Variants in SLCO6A1 observed in about 807,000 individuals in gnomAD.
SLCO6A1 encodes the protein solute carrier organic anion transporter family member 6A1, also known as cancer/testis antigen 48.
In SLCO6A1, 65 loss-of-function variants were observed where a neutral mutation model predicts 72.7. The observed-to-expected ratio is 0.89, with a 90% confidence interval of 0.73 to 1.10. The LOEUF is 1.10. SLCO6A1 is among the 50% of genes least tolerant of loss of function. The probability of loss-of-function intolerance (pLI) is 0.00; values close to 1 mark genes in which losing one functional copy is unlikely to be tolerated. For synonymous variants in SLCO6A1, 314 were observed against 298.2 expected, an observed-to-expected ratio of 1.05 and a Z score of -0.55; for missense variants, 874 against 872.6, an observed-to-expected ratio of 1.00 and a Z score of -0.02.
chr5:102,374,795 T>C (rs1462493329), intron 12 of SLCO6A1, among the ~76,000 whole-genome samples: 1 of 152,138 alleles, frequency 6.6e-6, no homozygotes, highest in East Asian at 1.9e-4. Flanking sequence ...GTATAGCTTG[T>C]GAAGAAAAAT....
rs552645332 is a variant in SLCO6A1, at chr5:102,440,159, A to G, written c.1132-1398T>C. On this transcript the variant is annotated intron_variant, in intron 6 of 13. Coordinates refer to ENST00000506729, the MANE Select transcript of SLCO6A1 (RefSeq NM_173488.5). ...TCTAGCAAACAGACAGTATCAAAAA[A>G]CTATAGAGCAAACAAGCCTTCAGAT... 4.2e-3 allele frequency among the ~76,000 whole-genome samples: 633 copies of G among 152,260 alleles called. 10 individuals carry two copies. The highest frequency in any genetic ancestry group is 0.015 in the African/African-American group (609 of 41,548).
intron 1 of SLCO6A1, among the ~76,000 whole-genome samples, chr5:102,490,623 G>C (rs1287442193): frequency 6.6e-6 from 1 of 152,132 alleles, no homozygotes; most frequent in East Asian, 1.9e-4. Flanking sequence ...TGTTTGTTCT[G>C]ATGTTCGGGT....
intron 10 of SLCO6A1, among the ~76,000 whole-genome samples, chr5:102,395,938 T>A (rs1747051223): frequency 6.6e-6 from 1 of 152,174 alleles, no homozygotes; most frequent in Admixed American, 6.6e-5. Context: ...ATTCTGGATA[T>A]TAGCCCTTTG....
chr5:102,418,188 A>T (rs2112607245), intron 8 of SLCO6A1, among the ~76,000 whole-genome samples: 1 of 152,086 alleles, frequency 6.6e-6, no homozygotes, highest in African/African-American at 2.4e-5. Context: ...ATTTATACAT[A>T]AAGTATATGT....
chr5:102,462,643 G>A (rs1442871094), intron 4 of SLCO6A1, among the ~76,000 whole-genome samples: 2 of 152,044 alleles, frequency 1.3e-5, no homozygotes, highest in Non-Finnish European at 2.9e-5. Flanking sequence ...GGGAAAGGAC[G>A]TCCTATTCAA....
intron 7 of SLCO6A1, among the ~76,000 whole-genome samples, chr5:102,427,263 TA>T (rs1580405749): frequency 6.6e-6 from 1 of 151,782 alleles, no homozygotes; most frequent in Non-Finnish European, 1.5e-5. Flanking sequence ...CAGTGTGTAT[TA>T]AAAAAAGATA....
intron 10 of SLCO6A1, among the ~76,000 whole-genome samples, chr5:102,395,720 A>G (rs1371158841): frequency 6.6e-6 from 1 of 152,158 alleles, no homozygotes; most frequent in African/African-American, 2.4e-5. Context: ...CTGACTTTTT[A>G]ATGATCACCA....
chr5:102,396,223 G>T (rs571584497), intron 10 of SLCO6A1, among the ~76,000 whole-genome samples: 106 of 152,004 alleles, frequency 7.0e-4, no homozygotes, highest in African/African-American at 2.5e-3. Flanking sequence ...TTTGTATAAG[G>T]TGTAAGGAAG....
intron 2 of SLCO6A1, among the ~76,000 whole-genome samples, chr5:102,479,693 C>T (rs569319524): frequency 7.5e-4 from 114 of 152,178 alleles, no homozygotes; most frequent in Non-Finnish European, 1.2e-3. Context: ...CATGGTAAAA[C>T]TGCAACCCTA....
chr5:102,460,442 A>G (rs1034978386), intron 4 of SLCO6A1, among the ~76,000 whole-genome samples: 3 of 151,994 alleles, frequency 2.0e-5, no homozygotes, highest in East Asian at 3.9e-4. Flanking sequence ...CTATGCTGGG[A>G]TTTGTTATTA....
rs1321664795 is a variant in SLCO6A1 at position 102,373,471 on chromosome 5, T to G, written c.2041A>C (p.Ile681Leu). The change falls in exon 13 of 14, where the codon ATC (isoleucine) becomes CTC (leucine). Residue 681 changes from isoleucine (I) to leucine (L), a missense_variant. Ile to Leu is a conservative substitution (Grantham distance 5). Transcript: ENST00000506729. ...AAAAATGCAATAGTAGTGAAGATGA[T>G]AGTGCATAGTTTGCAAAGAAAACCT... ...GICFLCKLCT[I>L]IFTTIAFFIY... 1.3e-6 allele frequency: 2 copies of G among 1,511,966 alleles called. No individual in the cohort carries two copies. The highest frequency in any genetic ancestry group is 1.8e-6 in the Non-Finnish European group (2 of 1,131,230). 93.7% of individuals were successfully genotyped at this position (1,511,966 alleles called of 1,614,324 possible).
At chr5:102,439,653 A>G (rs1321418468) in intron 6 of SLCO6A1, among the ~76,000 whole-genome samples, 1 of 152,108 alleles carries the variant, frequency 6.6e-6, no homozygotes, top group African/African-American at 2.4e-5. Flanking sequence ...CACAAACTAC[A>G]CTACATTAAA....
chr5:102,377,573 A>T (rs1375687278), intron 12 of SLCO6A1, among the ~76,000 whole-genome samples: 1 of 152,056 alleles, frequency 6.6e-6, no homozygotes, highest in Non-Finnish European at 1.5e-5. Context: ...GAACTTCTAA[A>T]ATCTATGTTA....
Position 102,475,248 on chromosome 5 carries a change from A to C in SLCO6A1, c.899+449T>G, listed in dbSNP as rs1473488391. Among the ~76,000 whole-genome samples the C allele has an allele frequency of 2.6e-5, 4 of 152,128 alleles. No individual in the cohort carries two copies. The East Asian group carries it at 7.7e-4, about 29-fold the overall frequency. On this transcript the variant is annotated intron_variant, in intron 4 of 13. Coordinates refer to ENST00000506729, the MANE Select transcript of SLCO6A1 (RefSeq NM_173488.5). ...GGTATGTACAATAATACAGTGGAGT[A>C]TTATTCAGCCTTAAATGAAGAAGGA...
chr5:102,462,399 A>G (rs919755945), intron 4 of SLCO6A1, among the ~76,000 whole-genome samples: 2 of 152,160 alleles, frequency 1.3e-5, no homozygotes, highest in African/African-American at 4.8e-5. Context: ...TAAAATTCAC[A>G]TGGAACTGAA....
intron 9 of SLCO6A1, among the ~76,000 whole-genome samples, chr5:102,402,480 C>T (rs1747453339): frequency 6.6e-6 from 1 of 152,168 alleles, no homozygotes; most frequent in African/African-American, 2.4e-5. Flanking sequence ...TAATGAGTGT[C>T]TTAGCTCACT....
intron 6 of SLCO6A1, among the ~76,000 whole-genome samples, chr5:102,449,629 G>A (rs930619951): frequency 9.9e-5 from 15 of 151,988 alleles, no homozygotes; most frequent in Non-Finnish European, 1.8e-4. Flanking sequence ...CTCGTGATCC[G>A]CCCGCCTCGG....
chr5:102,495,948 G>T (rs1752891907), intron 1 of SLCO6A1, among the ~76,000 whole-genome samples: 2 of 152,204 alleles, frequency 1.3e-5, no homozygotes, highest in African/African-American at 2.4e-5. Flanking sequence ...AAGAAGACTT[G>T]TAAAATATGA....
At chr5:102,390,924 C>A (rs1473369714) in intron 11 of SLCO6A1, 57 bp downstream of exon 11, 8 of 1,359,984 alleles carry the variant, frequency 5.9e-6, no homozygotes, top group South Asian at 2.3e-5. Flanking sequence ...CACATGTAGA[C>A]ATATATACAT....
Sources: allele counts gnomAD v4.1 joint callset (sites outside exome capture counted in the v4.1 genomes callset), GRCh38; gene constraint gnomAD v4.1.1; transcripts MANE v1.5; gene names NCBI Gene and HGNC (gene_info 2026-07-23, HGNC 2026-07-21).